Variants in ABTB3 observed in about 807,000 individuals in gnomAD.
ABTB3 encodes the protein ankyrin repeat and BTB domain containing 3, also known as ankyrin repeat- and BTB/POZ domain-containing protein 3.
At chr12:107,502,946 C>T in the ABTB3 span, among the ~76,000 whole-genome samples, 1 of 152,128 alleles carries the variant, frequency 6.6e-6, no homozygotes, top group Non-Finnish European at 1.5e-5. Flanking sequence ...ATTATAGTGT[C>T]TTGACAGAAA....
chr12:107,542,977 G>T, the ABTB3 span, among the ~76,000 whole-genome samples: 1 of 152,134 alleles, frequency 6.6e-6, no homozygotes, highest in African/African-American at 2.4e-5. Context: ...TGTATAAGTG[G>T]ATCCAAGTAG....
At chr12:107,628,266 G>T in the ABTB3 span, among the ~76,000 whole-genome samples, 2 of 152,140 alleles carry the variant, frequency 1.3e-5, no homozygotes, top group Non-Finnish European at 2.9e-5. Flanking sequence ...TCAGCCTCCC[G>T]AGTAGCTGAG....
chr12:107,627,756 C>T, the ABTB3 span, among the ~76,000 whole-genome samples: 4 of 152,180 alleles, frequency 2.6e-5, no homozygotes, highest in African/African-American at 9.7e-5. Context: ...ATATCCCAAC[C>T]CAGTCATCTG....
chr12:107,520,615 G>A, the ABTB3 span: 96 of 1,614,078 alleles, frequency 5.9e-5, no homozygotes, highest in Admixed American at 3.5e-4. Context: ...GGCCACGCGC[G>A]TAGGCAGCAT....
At chr12:107,593,704 CAT>C in the ABTB3 span, among the ~76,000 whole-genome samples, 1 of 152,328 alleles carries the variant, frequency 6.6e-6, no homozygotes, top group South Asian at 2.1e-4. Flanking sequence ...AAATCTCCCT[CAT>C]ATAACAGTCC....
At chr12:107,516,096 C>T in the ABTB3 span, among the ~76,000 whole-genome samples, 1 of 151,596 alleles carries the variant, frequency 6.6e-6, no homozygotes, top group Non-Finnish European at 1.5e-5. Flanking sequence ...TATATTCTTA[C>T]TCTGAGTCAC....
At chr12:107,650,300 G>T in the ABTB3 span, 1 of 152,086 alleles carries the variant, frequency 6.6e-6, no homozygotes, top group African/African-American at 2.4e-5. Flanking sequence ...ATATGCTAAG[G>T]TGCTTAGAAC....
chr12:107,415,344 T>C, the ABTB3 span, among the ~76,000 whole-genome samples: 1 of 152,156 alleles, frequency 6.6e-6, no homozygotes, highest in African/African-American at 2.4e-5. Flanking sequence ...TTGTTCATCG[T>C]CTGCCTCCTC....
chr12:107,648,238 G>A, the ABTB3 span, among the ~76,000 whole-genome samples: 1 of 151,934 alleles, frequency 6.6e-6, no homozygotes, highest in African/African-American at 2.4e-5. Flanking sequence ...AAAACTAGCC[G>A]GGCGTGGCAG....
At chr12:107,488,948 T>G in the ABTB3 span, among the ~76,000 whole-genome samples, 1 of 152,066 alleles carries the variant, frequency 6.6e-6, no homozygotes, top group Non-Finnish European at 1.5e-5. Flanking sequence ...GAAGCAACCA[T>G]CAGCACTGGC....
the ABTB3 span, chr12:107,319,173 A>G: frequency 6.3e-7 from 1 of 1,598,772 alleles, no homozygotes; most frequent in South Asian, 1.1e-5. Flanking sequence ...GAAGACTCCG[A>G]GGGGCTGGAC....
the ABTB3 span, among the ~76,000 whole-genome samples, chr12:107,424,106 G>A: frequency 1.7e-4 from 26 of 152,128 alleles, no homozygotes; most frequent in African/African-American, 4.1e-4. Context: ...AAGCCAGAGC[G>A]GGCACTTAAG....
chr12:107,319,021 C>G, the ABTB3 span: 1 of 1,613,642 alleles, frequency 6.2e-7, no homozygotes, highest in African/African-American at 1.3e-5. Context: ...GCGCGGCGGA[C>G]TCGGTGCGCT....
the ABTB3 span, among the ~76,000 whole-genome samples, chr12:107,445,334 T>C: frequency 6.6e-6 from 1 of 152,222 alleles, no homozygotes; most frequent in Non-Finnish European, 1.5e-5. Flanking sequence ...AATAGGCATT[T>C]ATTGCACACC....
chr12:107,420,821 G>A, the ABTB3 span, among the ~76,000 whole-genome samples: 3 of 152,170 alleles, frequency 2.0e-5, no homozygotes. Flanking sequence ...ACCCAGCTGA[G>A]TATTGACTTT....
the ABTB3 span, among the ~76,000 whole-genome samples, chr12:107,458,530 A>G: frequency 2.6e-5 from 4 of 152,162 alleles, no homozygotes; most frequent in African/African-American, 9.7e-5. Context: ...GGTGGGGCCA[A>G]TGGGGACCAC....
chr12:107,617,324 C>T, the ABTB3 span: 1 of 1,614,152 alleles, frequency 6.2e-7, no homozygotes, highest in South Asian at 1.1e-5. Flanking sequence ...GGTTAGTTTG[C>T]TGTTGGAGCG....
At chr12:107,378,254 A>G in the ABTB3 span, among the ~76,000 whole-genome samples, 1 of 152,128 alleles carries the variant, frequency 6.6e-6, no homozygotes, top group Non-Finnish European at 1.5e-5. Flanking sequence ...TCACTTAAAT[A>G]TTGGGGGATG....
the ABTB3 span, among the ~76,000 whole-genome samples, chr12:107,463,187 G>T: frequency 2.0e-5 from 3 of 151,608 alleles, no homozygotes; most frequent in South Asian, 2.1e-4. Flanking sequence ...AGTAATGATG[G>T]GTGATGATGA....
Sources: allele counts gnomAD v4.1 joint callset (sites outside exome capture counted in the v4.1 genomes callset), GRCh38; gene constraint gnomAD v4.1.1; transcripts MANE v1.5; gene names NCBI Gene and HGNC (gene_info 2026-07-23, HGNC 2026-07-21).